The following THSD7A variants were observed in gnomAD, a reference collection of about 807,000 sequenced individuals.
THSD7A encodes thrombospondin type 1 domain containing 7A, also known as thrombospondin type-1 domain-containing protein 7A.
Under a neutral mutation model 231.3 loss-of-function variants are expected in THSD7A, and 96 were observed. The ratio of observed to expected loss-of-function variants is 0.41; its 90% CI spans 0.35 to 0.49. THSD7A has a LOEUF of 0.49. Ranked by LOEUF, THSD7A falls within the 20% of genes least tolerant of loss-of-function variation. The pLI, the probability that THSD7A is intolerant of heterozygous loss-of-function variation, is 0.05. For synonymous variants in THSD7A, 940 were observed against 743.3 expected (o/e 1.26, Z -4.30); for missense variants, 2,290 against 2,070.2 (o/e 1.11, Z -2.06).
chr7:11,666,960 G>T (rs1005312439), intron 1 of THSD7A, among the ~76,000 whole-genome samples: 7 of 152,012 alleles, frequency 4.6e-5, no homozygotes, highest in African/African-American at 1.7e-4. Flanking sequence ...TTATCCAGTG[G>T]AATCTGAATA....
rs146005672 is a variant in THSD7A at position 11,391,812 on chromosome 7, C to T, written c.4412-9196G>A. Among the ~76,000 whole-genome samples, 1,115 of 152,170 alleles carry T rather than the reference C, an allele frequency of 7.3e-3. 7 individuals carry two copies. The highest frequency in any genetic ancestry group is 0.011 in the Non-Finnish European group (725 of 68,000). On this transcript the variant is annotated intron_variant, in intron 23 of 27. Coordinates refer to ENST00000423059, the MANE Select transcript of THSD7A (RefSeq NM_015204.3). ...GCGATGTATCTGGGCTGGAGTACAC[C>T]GTTCACAGTCTTTCACAGCTTCCCT...
chr7:11,493,530 G>A (rs1786983041), intron 6 of THSD7A, among the ~76,000 whole-genome samples: 1 of 151,992 alleles, frequency 6.6e-6, no homozygotes, highest in South Asian at 2.1e-4. Context: ...ATTAGTATGT[G>A]GGAACTACTA....
intron 11 of THSD7A, among the ~76,000 whole-genome samples, chr7:11,454,001 G>A (rs1028139130): frequency 2.0e-5 from 3 of 151,948 alleles, no homozygotes; most frequent in African/African-American, 7.2e-5. Context: ...GTATAAATAT[G>A]AACAGAGAGA....
At position 11,826,824 on chromosome 7, in the gene THSD7A, A is replaced by G. The variant is rs899137897; in HGVS notation, c.190+4933T>C. Among the ~76,000 whole-genome samples, 237 of 152,054 alleles carry G rather than the reference A, an allele frequency of 1.6e-3. 2 individuals are homozygous for G. Among genetic ancestry groups the G allele is most frequent in the African/African-American group, 5.5e-3 (228 of 41,482 alleles). On this transcript the variant is annotated intron_variant, in intron 1 of 27. Coordinates refer to ENST00000423059, the MANE Select transcript of THSD7A (RefSeq NM_015204.3). Reference sequence around the variant, plus strand: ...TGAGCCTCTGTCTCAAAAAAAAAAAAAAAAAAAAATGCAAATGCCATTAAC... The same window carrying G: ...TGAGCCTCTGTCTCAAAAAAAAAAAGAAAAAAAAATGCAAATGCCATTAAC...
At chr7:11,545,928 C>A (rs977881433) in intron 4 of THSD7A, among the ~76,000 whole-genome samples, 5 of 152,168 alleles carry the variant, frequency 3.3e-5, no homozygotes, top group African/African-American at 9.7e-5. Context: ...CTTTCTTCCC[C>A]ATGGCACAAG....
At chr7:11,389,977 G>T (rs1782919059) in intron 23 of THSD7A, among the ~76,000 whole-genome samples, 1 of 152,166 alleles carries the variant, frequency 6.6e-6, no homozygotes, top group South Asian at 2.1e-4. Context: ...TCTGCAGAGG[G>T]ATCCACTGTT....
chr7:11,406,256 A>G lies in THSD7A; in HGVS notation c.4237+44T>C. On this transcript the variant is annotated intron_variant, in intron 22 of 27. Transcript: ENST00000423059. This position sits in a 1 kb window ranked among gnomAD's most constrained non-coding sequence, Gnocchi z 4.7. ...GCAACCCCTTCACGGCCCTTGTCCT[A>G]GGAAAAAATAATCAGAATATGAATT... 1 of 1,555,192 alleles carries G rather than the reference A, an allele frequency of 6.4e-7. No homozygotes were observed. The highest frequency in any genetic ancestry group is 8.7e-7 in the Non-Finnish European group (1 of 1,152,266).
rs767395309 is a variant in THSD7A, at chr7:11,636,646, G to T, written c.506C>A (p.Ala169Glu). ...ACIQKDKDIP[A>E]EDIICEYFEP... is the part of the protein sequence containing the mutation. Reference sequence around the variant, plus strand: ...AAAGTACTCACAGATGATATCCTCCGCAGGAATGTCTTTGTCTTTCTGGAT... The same window carrying T: ...AAAGTACTCACAGATGATATCCTCCTCAGGAATGTCTTTGTCTTTCTGGAT... The change falls in exon 2 of 28, where the codon GCG becomes GAG. Residue 169 changes from alanine (A) to glutamate (E), a missense_variant. By Grantham distance (107) the Ala-to-Glu change is moderately radical (BLOSUM62 -1). Transcript: ENST00000423059. This position sits in a 1 kb window ranked among gnomAD's most constrained non-coding sequence, Gnocchi z 10.0. 2 of 1,613,932 alleles carry T rather than the reference G, an allele frequency of 1.2e-6. No individual in the cohort carries two copies. The highest frequency in any genetic ancestry group is 1.7e-6 in the Non-Finnish European group (2 of 1,179,884).
At chr7:11,811,424 C>T (rs1784525521) in intron 1 of THSD7A, among the ~76,000 whole-genome samples, 1 of 152,126 alleles carries the variant, frequency 6.6e-6, no homozygotes, top group African/African-American at 2.4e-5. Flanking sequence ...TTTACATTGG[C>T]CCGAGATTTA....
intron 1 of THSD7A, among the ~76,000 whole-genome samples, chr7:11,766,183 CT>C (rs1454166369): frequency 2.6e-5 from 4 of 152,116 alleles, no homozygotes; most frequent in African/African-American, 9.7e-5. Context: ...TGGTGTATAT[CT>C]TTAACTATGA....
intron 1 of THSD7A, among the ~76,000 whole-genome samples, chr7:11,750,476 T>A (rs1187392287): frequency 2.0e-5 from 3 of 151,476 alleles, no homozygotes; most frequent in East Asian, 1.9e-4. Flanking sequence ...TTCCCTTTTT[T>A]AATTGTAACA....
At chr7:11,692,610 A>G (rs184935941) in intron 1 of THSD7A, among the ~76,000 whole-genome samples, 2 of 151,724 alleles carry the variant, frequency 1.3e-5, no homozygotes, top group Admixed American at 1.3e-4. Context: ...TTGTACCTTC[A>G]CAGTTATTTT....
At chr7:11,418,723 C>G (rs1784041603) in intron 16 of THSD7A, among the ~76,000 whole-genome samples, 1 of 152,114 alleles carries the variant, frequency 6.6e-6, no homozygotes, top group South Asian at 2.1e-4. Context: ...AATGTCCTTT[C>G]CCTGTGGGAT....
chr7:11,619,617 T>C (rs949374376), intron 2 of THSD7A, among the ~76,000 whole-genome samples: 1 of 151,950 alleles, frequency 6.6e-6, no homozygotes, highest in Admixed American at 6.6e-5. Flanking sequence ...GATAGAGGCC[T>C]CAGTATCTTG....
At chr7:11,509,615 G>C (rs1386586697) in intron 6 of THSD7A, among the ~76,000 whole-genome samples, 1 of 151,218 alleles carries the variant, frequency 6.6e-6, no homozygotes, top group African/African-American at 2.4e-5. Flanking sequence ...GGTGGATCAC[G>C]AGGTCAGGAG....
At chr7:11,563,745 G>C (rs1790177288) in intron 4 of THSD7A, among the ~76,000 whole-genome samples, 2 of 152,076 alleles carry the variant, frequency 1.3e-5, no homozygotes, top group Admixed American at 6.6e-5. Flanking sequence ...AATTGTACTT[G>C]AGTTCATTTT....
intron 2 of THSD7A, among the ~76,000 whole-genome samples, chr7:11,610,136 G>C (rs1033742964): frequency 1.3e-5 from 2 of 152,062 alleles, no homozygotes; most frequent in African/African-American, 4.8e-5. Context: ...TTTTTTAGTA[G>C]TAACTTTCCT....
chr7:11,550,312 A>G (rs1789574443), intron 4 of THSD7A, among the ~76,000 whole-genome samples: 1 of 152,168 alleles, frequency 6.6e-6, no homozygotes, highest in South Asian at 2.1e-4. Context: ...GAGAGTTACA[A>G]AACACTGCTC....
Position 11,808,537 on chromosome 7 carries a change from A to G in THSD7A, c.190+23220T>C, listed in dbSNP as rs529024761. On this transcript the variant is annotated intron_variant, in intron 1 of 27. Transcript: ENST00000423059. ...GCAGCACAAAATGAATTAAGGCACA[A>G]CTATATACCAAAATGAAAAAATATA... Among the ~76,000 whole-genome samples the G allele has an allele frequency of 3.9e-5, 6 of 152,308 alleles. No homozygotes were observed. In the East Asian group the frequency reaches 1.2e-3, roughly 29 times the overall value.
Sources: gnomAD v4.1 joint callset for allele counts (sites outside exome capture counted in the v4.1 genomes callset) on GRCh38, gnomAD v4.1.1 for gene constraint, Gnocchi (gnomAD v3.1) non-coding constraint, MANE v1.5 for transcripts, NCBI Gene and HGNC (gene_info 2026-07-23, HGNC 2026-07-21) for gene names.